The following BPTF variants were observed in gnomAD, a reference collection of about 807,000 sequenced individuals.
The protein encoded by BPTF is nucleosome-remodeling factor subunit BPTF.
Under a neutral mutation model 292.5 loss-of-function variants are expected in BPTF, and 18 were observed. That is an observed-to-expected ratio of 0.06 (90% confidence interval 0.04 to 0.09). The LOEUF (loss-of-function observed/expected upper bound fraction) is 0.09, where lower values mean the gene tolerates loss of function less well. Ranked by LOEUF, BPTF falls within the 10% of genes least tolerant of loss-of-function variation. The pLI, the probability that BPTF is intolerant of heterozygous loss-of-function variation, is 1.00. For synonymous variants in BPTF, 1,225 were observed against 1,251.9 expected (o/e 0.98, Z 0.45); for missense variants, 2,726 against 3,498.7 (o/e 0.78, Z 5.57).
intron 1 of BPTF, among the ~76,000 whole-genome samples, chr17:67,832,111 A>AT (rs1275923120): frequency 4.6e-5 from 7 of 152,070 alleles, no homozygotes; most frequent in Non-Finnish European, 2.9e-5. Context: ...GCTGGTCTCA[A>AT]ACTCCTGACC....
chr17:67,870,141 C>A (rs909429076), intron 3 of BPTF, among the ~76,000 whole-genome samples: 1 of 151,998 alleles, frequency 6.6e-6, no homozygotes, highest in Admixed American at 6.6e-5. Context: ...GATTGCCTTG[C>A]AACCTGCAGT....
chr17:67,868,473 G>A (rs1339636784), intron 3 of BPTF, among the ~76,000 whole-genome samples: 3 of 152,156 alleles, frequency 2.0e-5, no homozygotes, highest in Non-Finnish European at 4.4e-5. Context: ...TGAAAAGTTG[G>A]CATTCCATAT....
chr17:67,859,772 G>A (rs1321508240), intron 2 of BPTF, among the ~76,000 whole-genome samples: 4 of 152,098 alleles, frequency 2.6e-5, no homozygotes, highest in African/African-American at 7.2e-5. Flanking sequence ...AAATAAAGGC[G>A]TTTTTAGAAA....
In BPTF at chr17:67,825,929, G is replaced by T. The variant is rs1011342595; in HGVS notation, c.205G>T (p.Gly69Trp). Residue 69 changes from glycine (G) to tryptophan (W), a missense_variant, in exon 1 of 28, where the codon GGG becomes TGG. Physicochemically the swap from Gly to Trp is radical, Grantham distance 184 (BLOSUM62 -2). Coordinates refer to ENST00000306378, the MANE Select transcript of BPTF (RefSeq NM_182641.4). ...CAAGACGCGGCTGAGCTCGCCCAGG[G>T]GGGGCAGCAGTAGCCGGAGGAAGCC... is the stretch of plus-strand genomic sequence containing the variant. Reference protein sequence around the residue: ...APKTRLSSPRGGSSSRRKPPP... With the variant: ...APKTRLSSPRWGSSSRRKPPP... 2.3e-5 allele frequency: 23 copies of T among 1,015,706 alleles called. No individual in the cohort carries two copies. Among genetic ancestry groups the T allele is most frequent in the Non-Finnish European group, 2.3e-5 (20 of 851,546 alleles). The allele number at this position is 1,015,706 out of a possible 1,614,324, so 62.9% of individuals were successfully genotyped here.
rs767192862 is a variant in BPTF, at chr17:67,826,146, TCTC to T, written c.424_426del (p.Ser142del). On this transcript the variant is annotated inframe_deletion, in exon 1 of 28. Transcript: ENST00000306378. ...GAGGAGGAGGAAGAGGAGGACATGGTCTCCGAGGAGGAGGAGGAGGAGGACGGC... is the reference window on the plus strand; with the variant it reads ...GAGGAGGAGGAAGAGGAGGACATGGTCGAGGAGGAGGAGGAGGAGGACGGC... The T allele has an allele frequency of 7.4e-6, 11 of 1,482,996 alleles. No individual in the cohort carries two copies. Among genetic ancestry groups the T allele is most frequent in the Middle Eastern group, 1.8e-4 (1 of 5,566 alleles). 91.9% of individuals were successfully genotyped at this position (1,482,996 alleles called of 1,614,324 possible).
chr17:67,843,304 A>G (rs1443070201), intron 1 of BPTF, among the ~76,000 whole-genome samples: 1 of 150,434 alleles, frequency 6.6e-6, no homozygotes, highest in Non-Finnish European at 1.5e-5. Context: ...ACATATAGAT[A>G]TATATCTACA....
rs1302578710 is a variant in BPTF, at chr17:67,912,084, G to C, written c.4200G>C (p.Gln1400His). 4 of 1,609,548 alleles carry C rather than the reference G, an allele frequency of 2.5e-6. No individual in the cohort carries two copies. In the African/African-American group the frequency reaches 4.0e-5, roughly 16 times the overall value. Residue 1400 changes from glutamine (Q) to histidine (H), a missense_variant, in exon 11 of 28, where the codon CAG becomes CAC. This residue lies in a region of BPTF where 713 missense variants were observed against 714.9 expected (regional missense o/e 1.00). Coordinates refer to ENST00000306378, the MANE Select transcript of BPTF (RefSeq NM_182641.4). ...ATCGAGAGTCTGAAAAGAAAGGACA[G>C]AGAACAAGTACATTTCAAATAAATG... ...NENRESEKKG[Q>H]RTSTFQINGK... is the part of the protein sequence containing the mutation.
chr17:67,915,080 C>T (rs2062893705), intron 11 of BPTF, among the ~76,000 whole-genome samples: 1 of 152,084 alleles, frequency 6.6e-6, no homozygotes, highest in African/African-American at 2.4e-5. Flanking sequence ...GAATAGAATA[C>T]ATCTGATGGT....
At chr17:67,832,932 C>G (rs930377163) in intron 1 of BPTF, among the ~76,000 whole-genome samples, 3 of 151,302 alleles carry the variant, frequency 2.0e-5, no homozygotes, top group African/African-American at 7.3e-5. Flanking sequence ...GGATTACAGG[C>G]ACCTGCCACT....
At chr17:67,929,632 G>T in intron 17 of BPTF, 145 bp downstream of exon 17, 1 of 953,492 alleles carries the variant, frequency 1.0e-6, no homozygotes, top group Non-Finnish European at 1.5e-6. Flanking sequence ...AAAAAAATCT[G>T]TTATATTTCT....
rs749469071 is a variant in BPTF, at chr17:67,912,297, C to T, written c.4413C>T (p.Ile1471=). Residue 1471 remains isoleucine, a synonymous_variant, in exon 11 of 28, where the codon ATC becomes ATT. Transcript: ENST00000306378. The part of the protein sequence containing the change: ...AIRPFINGDV[I]MEDFNERNSS... Reference sequence around the variant, plus strand: ...GGCCATTCATTAATGGTGATGTCATCATGGAAGATTTTAATGAAAGAAACA... The same window carrying T: ...GGCCATTCATTAATGGTGATGTCATTATGGAAGATTTTAATGAAAGAAACA... 2.2e-5 allele frequency: 35 copies of T among 1,613,558 alleles called. No individual in the cohort carries two copies. The highest frequency in any genetic ancestry group is 3.0e-5 in the Non-Finnish European group (35 of 1,179,752).
At chr17:67,936,970 G>T (rs1040334294) in intron 18 of BPTF, among the ~76,000 whole-genome samples, 1 of 152,090 alleles carries the variant, frequency 6.6e-6, no homozygotes, top group Admixed American at 6.5e-5. Context: ...CAATTATTCA[G>T]TACTACCTAT....
intron 15 of BPTF, among the ~76,000 whole-genome samples, chr17:67,925,391 C>T (rs1410691934): frequency 1.3e-5 from 2 of 152,116 alleles, no homozygotes; most frequent in South Asian, 2.1e-4. Context: ...TGGCCAGGCA[C>T]AGTGGCTCAT....
chr17:67,837,808 C>T (rs1346150426), intron 1 of BPTF, among the ~76,000 whole-genome samples: 1 of 152,198 alleles, frequency 6.6e-6, no homozygotes, highest in Admixed American at 6.5e-5. Flanking sequence ...GTCCTCTTCT[C>T]ATCAATTTAT....
intron 7 of BPTF, among the ~76,000 whole-genome samples, chr17:67,898,034 A>G (rs993411925): frequency 3.3e-5 from 5 of 152,222 alleles, no homozygotes; most frequent in African/African-American, 1.2e-4. Context: ...TTAGACACCA[A>G]TCTCCAATAC....
At chr17:67,950,711 G>T (rs1451132613) in intron 23 of BPTF, among the ~76,000 whole-genome samples, 1 of 151,524 alleles carries the variant, frequency 6.6e-6, no homozygotes, top group Non-Finnish European at 1.5e-5. Flanking sequence ...ATGGTGGTGG[G>T]TGCCTGTAGT....
chr17:67,841,391 A>G (rs1024317730), intron 1 of BPTF, among the ~76,000 whole-genome samples: 5 of 152,172 alleles, frequency 3.3e-5, no homozygotes, highest in Non-Finnish European at 4.4e-5. Context: ...CCTAGGCAAC[A>G]AGAGCGAAAA....
intron 11 of BPTF, among the ~76,000 whole-genome samples, chr17:67,915,184 G>C (rs537190705): frequency 6.6e-6 from 1 of 152,108 alleles, no homozygotes; most frequent in South Asian, 2.1e-4. Context: ...CACTCAATAG[G>C]GCCTCTTTTT....
chr17:67,950,969 G>A (rs1218523257), intron 23 of BPTF: 3 of 151,934 alleles, frequency 2.0e-5, no homozygotes, highest in African/African-American at 7.3e-5. Flanking sequence ...CACCATGCCT[G>A]GCTAATTTTT....
Sources: gnomAD v4.1 joint callset for allele counts (sites outside exome capture counted in the v4.1 genomes callset) on GRCh38, gnomAD v4.1.1 for gene constraint, gnomAD v4.1.1 regional missense constraint, MANE v1.5 for transcripts, NCBI Gene and HGNC (gene_info 2026-07-23, HGNC 2026-07-21) for gene names.